Variants in TSNARE1 observed in about 807,000 individuals in gnomAD.
TSNARE1 encodes t-SNARE domain-containing protein 1.
Under a neutral mutation model 62.0 loss-of-function variants are expected in TSNARE1, and 49 were observed. That is an observed-to-expected ratio of 0.79 (90% CI 0.63 to 1.00). The LOEUF is 1.00. Ranked by LOEUF, TSNARE1 falls within the 50% of genes least tolerant of loss-of-function variation. The pLI is 0.00. For missense variants in TSNARE1, 755 were observed against 700.1 expected (o/e 1.08, Z -0.88); for synonymous variants, 328 against 294.4 (o/e 1.11, Z -1.17).
chr8:142,286,680 G>A (rs999223277), intron 10 of TSNARE1, among the ~76,000 whole-genome samples: 1 of 152,196 alleles, frequency 6.6e-6, no homozygotes, highest in Non-Finnish European at 1.5e-5. Flanking sequence ...CCAAGCCTAG[G>A]CTCCATCCTA....
chr8:142,222,731 TCCAC>T (rs1563755905), intron 13 of TSNARE1, among the ~76,000 whole-genome samples: 5 of 22,756 alleles, frequency 2.2e-4, no homozygotes, highest in Admixed American at 6.8e-4. Flanking sequence ...CACTCACTCA[TCCAC>T]TCACTCACTC....
At chr8:142,228,532 A>G (rs1816943199) in intron 13 of TSNARE1, among the ~76,000 whole-genome samples, 1 of 152,150 alleles carries the variant, frequency 6.6e-6, no homozygotes, top group Non-Finnish European at 1.5e-5. Flanking sequence ...ATGCACACTC[A>G]CCACATGGCC....
intron 12 of TSNARE1, chr8:142,271,299 G>C: frequency 1.8e-6 from 2 of 1,095,482 alleles, no homozygotes; most frequent in Non-Finnish European, 2.2e-6. Flanking sequence ...CCATCGGCCA[G>C]ACGCTGGCTC....
At chr8:142,244,852 G>A (rs1419964305) in intron 12 of TSNARE1, among the ~76,000 whole-genome samples, 1 of 152,256 alleles carries the variant, frequency 6.6e-6, no homozygotes, top group Non-Finnish European at 1.5e-5. Flanking sequence ...AGACCGGCAA[G>A]GGGCCTTCCT....
intron 12 of TSNARE1, chr8:142,269,416 G>A (rs1819323708): frequency 3.0e-6 from 3 of 985,094 alleles, no homozygotes; most frequent in Admixed American, 6.1e-5. Context: ...CTGTGTCCAG[G>A]TTAAGACTGT....
At chr8:142,300,763 G>T in intron 9 of TSNARE1, 119 bp from the exon 10 acceptor site, 1 of 1,212,108 alleles carries the variant, frequency 8.3e-7, no homozygotes, top group East Asian at 2.5e-5. Flanking sequence ...CTCTCTGAGG[G>T]GACGATCTGG....
chr8:142,261,451 G>A (rs996166372), intron 12 of TSNARE1, among the ~76,000 whole-genome samples: 1 of 151,600 alleles, frequency 6.6e-6, no homozygotes, highest in East Asian at 2.0e-4. Flanking sequence ...GGACCGGGGA[G>A]GGAGAGTGGT....
At chr8:142,282,813 G>A (rs551802835) in intron 11 of TSNARE1, among the ~76,000 whole-genome samples, 4 of 140,770 alleles carry the variant, frequency 2.8e-5, no homozygotes, top group South Asian at 4.8e-4. Context: ...GAGCAGAGGC[G>A]GGACCAGTGT....
chr8:142,261,757 G>A (rs376821112), intron 12 of TSNARE1, among the ~76,000 whole-genome samples: 3 of 152,262 alleles, frequency 2.0e-5, no homozygotes, highest in African/African-American at 4.8e-5. Context: ...GGCAGCTCAC[G>A]GGCATAGAGG....
intron 10 of TSNARE1, among the ~76,000 whole-genome samples, chr8:142,287,516 C>A (rs1586566091): frequency 7.1e-6 from 1 of 141,718 alleles, no homozygotes; most frequent in African/African-American, 2.7e-5. Flanking sequence ...GAACCCAGGA[C>A]CCCGGCCAGA....
At chr8:142,347,395 T>C (rs1833515308) in intron 2 of TSNARE1, among the ~76,000 whole-genome samples, 1 of 152,126 alleles carries the variant, frequency 6.6e-6, no homozygotes, top group African/African-American at 2.4e-5. Flanking sequence ...TTTGATGAAG[T>C]GAGCCTCCAG....
At chr8:142,339,199 T>G (rs961908602) in intron 4 of TSNARE1, among the ~76,000 whole-genome samples, 3 of 151,870 alleles carry the variant, frequency 2.0e-5, no homozygotes, top group Non-Finnish European at 4.4e-5. Flanking sequence ...CCCCAAAACC[T>G]TAGTGTGTGA....
intron 9 of TSNARE1, among the ~76,000 whole-genome samples, chr8:142,307,737 T>A (rs189605111): frequency 4.6e-5 from 7 of 152,218 alleles, no homozygotes; most frequent in African/African-American, 1.7e-4. Context: ...TGAATATGCA[T>A]GTCTGTTGGG....
At chr8:142,332,787 C>G (rs1014611551) in intron 4 of TSNARE1, among the ~76,000 whole-genome samples, 1 of 152,110 alleles carries the variant, frequency 6.6e-6, no homozygotes, top group South Asian at 2.1e-4. Context: ...TGGAAACACT[C>G]GCTGCCTGCC....
chr8:142,385,095 GAA>G (rs1404403842), intron 1 of TSNARE1, among the ~76,000 whole-genome samples: 1 of 151,882 alleles, frequency 6.6e-6, no homozygotes. Flanking sequence ...GAGAGAGAGA[GAA>G]AGGAAGGAAG....
intron 13 of TSNARE1, among the ~76,000 whole-genome samples, chr8:142,224,529 G>C (rs1005944304): frequency 2.0e-5 from 3 of 152,252 alleles, no homozygotes; most frequent in Admixed American, 2.0e-4. Context: ...GGCTGGCTGG[G>C]TGCGGTCCCT....
intron 11 of TSNARE1, chr8:142,275,992 G>A (rs1378551449): frequency 1.0e-6 from 1 of 985,442 alleles, no homozygotes; most frequent in African/African-American, 1.7e-5. Flanking sequence ...GAACCCATGA[G>A]CCCTGCCTTC....
Position 142,308,709 on chromosome 8 carries a change from GTTC to G in TSNARE1, c.1131+5672_1131+5674del, listed in dbSNP as rs563563395. ...ATACCTGATAGTATAAATCCCTTTC[GTTC>G]TTCTTCAAAATTGCCTTTGCTATCT... On this transcript the variant is annotated intron_variant, in intron 9 of 13. Coordinates refer to ENST00000524325, the MANE Select transcript of TSNARE1 (RefSeq NM_145003.5). Among the ~76,000 whole-genome samples the G allele has an allele frequency of 8.5e-5, 13 of 152,132 alleles. No individual in the cohort carries two copies. The South Asian group carries it at 2.1e-3, about 24-fold the overall frequency.
At chr8:142,226,269 G>A (rs1354327221) in intron 13 of TSNARE1, among the ~76,000 whole-genome samples, 3 of 152,148 alleles carry the variant, frequency 2.0e-5, no homozygotes, top group Non-Finnish European at 2.9e-5. Flanking sequence ...CAGTGTGGGC[G>A]AGAGGGGTGG....
Sources: allele counts gnomAD v4.1 joint callset (sites outside exome capture counted in the v4.1 genomes callset), GRCh38; gene constraint gnomAD v4.1.1; transcripts MANE v1.5; gene names NCBI Gene and HGNC (gene_info 2026-07-23, HGNC 2026-07-21).